The following NOC3L variants were observed in gnomAD, a reference collection of about 807,000 sequenced individuals.
The protein encoded by NOC3L is NOC3 like DNA replication regulator.
NOC3L carries 85 observed loss-of-function variants against 102.5 expected under a neutral mutation model. The observed-to-expected ratio is 0.83, with a 90% CI of 0.70 to 0.99. The LOEUF (loss-of-function observed/expected upper bound fraction) is 0.99. Ranked by LOEUF, NOC3L falls within the 50% of genes least tolerant of loss-of-function variation. The probability of loss-of-function intolerance (pLI) is 0.00; values close to 1 mark genes in which losing one functional copy is unlikely to be tolerated. For synonymous variants in NOC3L, 303 were observed against 309.4 expected (o/e 0.98, Z 0.22); for missense variants, 878 against 914.9 (o/e 0.96, Z 0.52).
At chr10:94,342,688 T>C (rs1341014214) in intron 13 of NOC3L, among the ~76,000 whole-genome samples, 6 of 148,272 alleles carry the variant, frequency 4.0e-5, no homozygotes, top group Non-Finnish European at 8.9e-5. Flanking sequence ...GTGATATATA[T>C]GTGATAAGGG....
intron 13 of NOC3L, among the ~76,000 whole-genome samples, chr10:94,344,170 T>C (rs1469174304): frequency 6.6e-6 from 1 of 152,148 alleles, no homozygotes; most frequent in African/African-American, 2.4e-5. Context: ...GATTTAACCT[T>C]AGGAACACCT....
rs1267905335 is a variant in NOC3L, at chr10:94,353,040, T to C, written c.714A>G (p.Glu238=). 8 of 1,604,060 alleles carry C rather than the reference T, an allele frequency of 5.0e-6. No individual in the cohort carries two copies. Among genetic ancestry groups the C allele is most frequent in the Admixed American group, 1.8e-5 (1 of 57,096 alleles). ...CTTGTTCCATCAACATAGAACGTAA[T>C]TCTTTCAATTTTTTAATCTGTTAAA... ...DPENNIKKLK[E]LRSMLMEQDP... The change falls in exon 7 of 21, where the codon GAA becomes GAG. Residue 238 remains glutamate, a synonymous_variant. Transcript: ENST00000371361.
chr10:94,327,581 C>T, the NOC3L span, among the ~76,000 whole-genome samples: 1 of 152,144 alleles, frequency 6.6e-6, no homozygotes, highest in African/African-American at 2.4e-5. Flanking sequence ...TTTTAGGTAA[C>T]ATATTTCATA....
At chr10:94,317,641 T>G in the NOC3L span, among the ~76,000 whole-genome samples, 1 of 152,230 alleles carries the variant, frequency 6.6e-6, no homozygotes, top group East Asian at 1.9e-4. Context: ...TGTGCTAAGA[T>G]TCCCATGATC....
At chr10:94,338,927 TTA>T (rs2054251806) in intron 17 of NOC3L, among the ~76,000 whole-genome samples, 191 bp from the exon 18 acceptor site, 1 of 152,204 alleles carries the variant, frequency 6.6e-6, no homozygotes, top group East Asian at 1.9e-4. Context: ...AAAAAAAATT[TTA>T]TCTTTGCTTG....
the NOC3L span, chr10:94,322,177 AG>A: frequency 1.1e-6 from 1 of 950,420 alleles, no homozygotes; most frequent in Non-Finnish European, 1.7e-6. Context: ...GGGACCTCAA[AG>A]GGGAGTGTGT....
At chr10:94,358,736 G>C (rs915274111) in intron 2 of NOC3L, among the ~76,000 whole-genome samples, 1 of 152,076 alleles carries the variant, frequency 6.6e-6, no homozygotes, top group Non-Finnish European at 1.5e-5. Context: ...CTCCCATTCA[G>C]TTACTTCCAC....
intron 13 of NOC3L, among the ~76,000 whole-genome samples, chr10:94,342,677 A>C (rs922428388): frequency 6.6e-6 from 1 of 151,378 alleles, no homozygotes; most frequent in African/African-American, 2.4e-5. Context: ...TTAAAAATTA[A>C]GTGATATATA....
At chr10:94,326,506 A>AACTT in the NOC3L span, among the ~76,000 whole-genome samples, 1 of 152,232 alleles carries the variant, frequency 6.6e-6, no homozygotes, top group Admixed American at 6.5e-5. Context: ...ACACCTCTAT[A>AACTT]ACTTCTGTAA....
At position 94,340,613 on chromosome 10, in the gene NOC3L, G is replaced by GC. The variant is rs201917172; in HGVS notation, c.1645-118dup. On this transcript the variant is annotated intron_variant, in intron 14 of 20. Transcript: ENST00000371361. ...GCAAAGACTCAAGCCTGTAATCCCA[G>GC]CAATTTGGGAGGCTGAGGCAGGCAG... The GC allele has an allele frequency of 4.0e-3, 3,300 of 826,232 alleles. 97 individuals are homozygous for GC. In the African/African-American group the frequency reaches 0.05, roughly 13 times the overall value. The allele number at this position is 826,232 out of a possible 1,614,324, so 51.2% of individuals were successfully genotyped here. A position where few individuals can be genotyped will look rare whatever the true frequency, so the allele number is the denominator to read the frequency against.
the NOC3L span, chr10:94,316,873 T>C: frequency 1.6e-5 from 12 of 748,978 alleles, 1 homozygote; most frequent in South Asian, 1.8e-4. Context: ...GTTTATATTC[T>C]TCTTAAGTAA....
At chr10:94,315,533 C>T in the NOC3L span, 17 of 455,524 alleles carry the variant, frequency 3.7e-5, no homozygotes, top group South Asian at 2.6e-4. Context: ...CTTTGGGAGG[C>T]CGAGGCGGGC....
the NOC3L span, chr10:94,316,753 G>T: frequency 3.1e-6 from 5 of 1,609,702 alleles, no homozygotes; most frequent in Non-Finnish European, 4.3e-6. Context: ...AAACCCAGCA[G>T]GAAGTAAGTG....
chr10:94,361,269 T>C (rs2054548397), intron 2 of NOC3L: 1 of 168,968 alleles, frequency 5.9e-6, no homozygotes, highest in Non-Finnish European at 1.3e-5. Context: ...TTTAGAAGTG[T>C]ACCTTGGCAA....
chr10:94,358,004 G>GA, intron 3 of NOC3L, 79 bp downstream of exon 3: 1 of 860,806 alleles, frequency 1.2e-6, no homozygotes, highest in Non-Finnish European at 2.0e-6. Flanking sequence ...TGAACACCTT[G>GA]AACCACCTAA....
At chr10:94,356,364 TTAA>T (rs1256189660) in intron 5 of NOC3L, among the ~76,000 whole-genome samples, 168 bp downstream of exon 5, 16 of 152,200 alleles carry the variant, frequency 1.1e-4, no homozygotes, top group Non-Finnish European at 2.1e-4. Flanking sequence ...AAAGAATCTA[TTAA>T]TAATTCCACA....
Position 94,339,664 on chromosome 10 carries a change from G to A in NOC3L, c.1962+75C>T, listed in dbSNP as rs1363828309. The stretch of plus-strand genomic sequence containing the variant: ...GTAATTGAAATAATATAAAAGGGGG[G>A]AAAAGACATGCCTCAAACAAAAAAA... On this transcript the variant is annotated intron_variant, in intron 17 of 20. Transcript: ENST00000371361. 6.1e-6 allele frequency: 7 copies of A among 1,149,400 alleles called. No homozygotes were observed. In the African/African-American group the frequency reaches 9.4e-5, roughly 15 times the overall value. The allele number at this position is 1,149,400 out of a possible 1,614,324, so 71.2% of individuals were successfully genotyped here.
In NOC3L at chr10:94,353,065, A is replaced by C; in HGVS notation, c.697-8T>G. ...TTCTTTCAATTTTTTAATCTGTTAA[A>C]GAAATAGCTTATAAAGCTGGAGAAA... On this transcript the variant is annotated splice_region_variant and splice_polypyrimidine_tract_variant and intron_variant, in intron 6 of 20. Transcript: ENST00000371361. The C allele has an allele frequency of 6.3e-7, 1 of 1,592,570 alleles. No individual in the cohort carries two copies. Among genetic ancestry groups the C allele is most frequent in the Non-Finnish European group, 8.5e-7 (1 of 1,170,740 alleles).
chr10:94,344,385 C>G, intron 13 of NOC3L, 30 bp downstream of exon 13: 1 of 1,456,886 alleles, frequency 6.9e-7, no homozygotes, highest in Non-Finnish European at 9.6e-7. Flanking sequence ...TAGAAGGAAT[C>G]TAAAAGATTT....
Sources: gnomAD v4.1 joint callset for allele counts (sites outside exome capture counted in the v4.1 genomes callset) on GRCh38, gnomAD v4.1.1 for gene constraint, MANE v1.5 for transcripts, NCBI Gene and HGNC (gene_info 2026-07-23, HGNC 2026-07-21) for gene names.